ITPRID2: variants seen among roughly 807,000 people sequenced by gnomAD.
ITPRID2 encodes protein ITPRID2.
Under a neutral mutation model 124.3 loss-of-function variants are expected in ITPRID2, and 60 were observed. The ratio of observed to expected loss-of-function variants is 0.48; its 90% CI spans 0.39 to 0.60. The LOEUF is 0.60. Among genes scored for constraint, ITPRID2 ranks in the 20% least tolerant of loss-of-function variants. ITPRID2 has a pLI of 0.00. For synonymous variants in ITPRID2, 521 were observed against 542.9 expected, an observed-to-expected ratio of 0.96 and a Z score of 0.56; for missense variants, 1,553 against 1,512.2, an observed-to-expected ratio of 1.03 and a Z score of -0.45.
rs1486651038 is a variant in ITPRID2 at position 181,910,176 on chromosome 2, T to G, written c.1486+205T>G. ...TTAAAAATTAGTTTGCTAATTAGTT[T>G]GCTTATTCTGGAATGACCTCATTAC... On this transcript the variant is annotated intron_variant, in intron 9 of 17. Coordinates refer to ENST00000431877, the MANE Select transcript of ITPRID2 (RefSeq NM_001130445.3). The surrounding 1 kb of genome is among the most constrained non-coding windows in gnomAD (Gnocchi z 4.1). Among the ~76,000 whole-genome samples the G allele has an allele frequency of 2.0e-5, 3 of 152,214 alleles. No homozygotes were observed. The highest frequency in any genetic ancestry group is 4.4e-5 in the Non-Finnish European group (3 of 68,028).
Position 181,915,687 on chromosome 2 carries a change from G to C in ITPRID2, c.2047G>C (p.Gly683Arg). ...TGATATGAGCTCTGAAAATACAACT[G>C]GGCCTCCCTCTTCCATGGACAGAGT... The part of the protein sequence containing the change: ...CSDMSSENTT[G>R]PPSSMDRVNT... The change falls in exon 11 of 18, where the codon GGG becomes CGG. Residue 683 changes from glycine (G) to arginine (R), a missense_variant. Physicochemically the swap from Gly to Arg is moderately radical, Grantham distance 125. Coordinates refer to ENST00000431877, the MANE Select transcript of ITPRID2 (RefSeq NM_001130445.3). The C allele has an allele frequency of 4.3e-6, 7 of 1,614,148 alleles. No homozygotes were observed. The highest frequency in any genetic ancestry group is 5.9e-6 in the Non-Finnish European group (7 of 1,180,034).
Position 181,929,605 on chromosome 2 carries a change from G to T in ITPRID2, c.*58G>T. On this transcript the variant is annotated 3_prime_UTR_variant, in exon 18 of 18. Transcript: ENST00000431877. ...GCTGTGTAATACTGGAATTATCAATGATATGCACTGGTGGAGGTGTTATTT... is the reference window on the plus strand; with the variant it reads ...GCTGTGTAATACTGGAATTATCAATTATATGCACTGGTGGAGGTGTTATTT... 5 of 1,613,100 alleles carry T rather than the reference G, an allele frequency of 3.1e-6. No homozygotes were observed. The East Asian group carries it at 8.9e-5, about 29-fold the overall frequency.
In ITPRID2 at chr2:181,921,968, G is replaced by A. The variant is rs573237545; in HGVS notation, c.3231G>A (p.Glu1077=). The change falls in exon 16 of 18, where the codon GAG becomes GAA. Residue 1077 remains glutamate (E), a synonymous_variant. Transcript: ENST00000431877. ...VMEPVTELMQ[E]QSYLKSELGL... ...TCCAGGTCACTGAACTGATGCAGGA[G>A]CAGTCATACCTGAAGTCTGAATTGG... 1.8e-4 allele frequency: 290 copies of A among 1,614,106 alleles called. No individual in the cohort carries two copies. The highest frequency in any genetic ancestry group is 6.2e-4 in the Admixed American group (37 of 60,014).
chr2:181,925,573 C>T (rs767743510), intron 16 of ITPRID2, among the ~76,000 whole-genome samples: 7 of 152,124 alleles, frequency 4.6e-5, no homozygotes, highest in Admixed American at 6.5e-5. Flanking sequence ...CTGATATTGT[C>T]TCTCACCCTT....
In ITPRID2 at chr2:181,915,133, A is replaced by C. The variant is rs544190224; in HGVS notation, c.1576-83A>C. On this transcript the variant is annotated intron_variant, in intron 10 of 17. Coordinates refer to ENST00000431877, the MANE Select transcript of ITPRID2 (RefSeq NM_001130445.3). ...ACTGCAGTGGAGACAGTGAAATTAT[A>C]GAAGCACCATGTTGGTTTGGTATTT... is the stretch of plus-strand genomic sequence containing the variant. The C allele has an allele frequency of 4.1e-6, 6 of 1,475,722 alleles. No homozygotes were observed. In the Admixed American group the frequency reaches 1.3e-4, roughly 31 times the overall value. 91.4% of individuals were successfully genotyped at this position (1,475,722 alleles called of 1,614,324 possible). A position where few individuals can be genotyped will look rare whatever the true frequency, so the allele number is the denominator to read the frequency against.
Position 181,919,654 on chromosome 2 carries a change from T to TC in ITPRID2, c.3144+208_3144+209insC, listed in dbSNP as rs200897812. On this transcript the variant is annotated intron_variant, in intron 14 of 17. Coordinates refer to ENST00000431877, the MANE Select transcript of ITPRID2 (RefSeq NM_001130445.3). This position sits in a 1 kb window ranked among gnomAD's most constrained non-coding sequence, Gnocchi z 4.2. ...GTATATTTAGAAATATGTTGAAAAT[T>TC]TTTAATGATAAATTTTAATAACAGG... Among the ~76,000 whole-genome samples the TC allele has an allele frequency of 9.7e-3, 1,477 of 152,310 alleles. 24 individuals carry two copies. Among genetic ancestry groups the TC allele is most frequent in the African/African-American group, 0.034 (1,423 of 41,552 alleles).
intron 14 of ITPRID2, among the ~76,000 whole-genome samples, chr2:181,920,102 G>T (rs1694373986): frequency 6.6e-6 from 1 of 152,018 alleles, no homozygotes; most frequent in African/African-American, 2.4e-5. Flanking sequence ...AGAATATGTT[G>T]CTTTGAAATG....
At chr2:181,928,769 G>C (rs904402894) in intron 17 of ITPRID2, among the ~76,000 whole-genome samples, 29 of 152,200 alleles carry the variant, frequency 1.9e-4, no homozygotes, top group Admixed American at 1.7e-3. Flanking sequence ...GGGACTACAG[G>C]CGCCAGCCAC....
intron 16 of ITPRID2, among the ~76,000 whole-genome samples, chr2:181,924,988 A>T (rs535223707): frequency 3.1e-4 from 47 of 152,370 alleles, no homozygotes; most frequent in African/African-American, 1.1e-3. Context: ...ATACATGCCC[A>T]CAGAAGCCAA....
At chr2:181,912,990 ACAT>A (rs1192889261) in intron 9 of ITPRID2, among the ~76,000 whole-genome samples, 2 of 152,206 alleles carry the variant, frequency 1.3e-5, no homozygotes, top group Non-Finnish European at 2.9e-5. Flanking sequence ...ATCATTTAAA[ACAT>A]CATAAAACAC....
At chr2:181,897,966 C>T (rs534799842) in intron 4 of ITPRID2, among the ~76,000 whole-genome samples, 5 of 150,704 alleles carry the variant, frequency 3.3e-5, no homozygotes, top group South Asian at 2.1e-4. Context: ...GTTGTCAATC[C>T]GTTATTAAAA....
At chr2:181,912,478 T>A (rs1396765452) in intron 9 of ITPRID2, among the ~76,000 whole-genome samples, 1 of 152,224 alleles carries the variant, frequency 6.6e-6, no homozygotes, top group South Asian at 2.1e-4. Flanking sequence ...CAAAATGATA[T>A]TACAAAATTA....
In ITPRID2 at chr2:181,922,312, C is replaced by A. The variant is rs112942764; in HGVS notation, c.3575C>A (p.Ser1192Tyr). 2 of 1,614,180 alleles carry A rather than the reference C, an allele frequency of 1.2e-6. No individual in the cohort carries two copies. Among genetic ancestry groups the A allele is most frequent in the Non-Finnish European group, 1.7e-6 (2 of 1,180,040 alleles). ...EGAPEVVGPK[S>Y]EVEEGHGKLP... The stretch of plus-strand genomic sequence containing the variant: ...GCCCCAGAAGTTGTAGGACCTAAAT[C>A]TGAAGTGGAAGAAGGGCATGGAAAA... The change falls in exon 16 of 18, where the codon TCT (serine) becomes TAT (tyrosine). Residue 1192 changes from serine to tyrosine, a missense_variant. Transcript: ENST00000431877.
Position 181,915,832 on chromosome 2 carries a change from G to A in ITPRID2, c.2192G>A (p.Gly731Asp), listed in dbSNP as rs1290664573. The change falls in exon 11 of 18, where the codon GGC becomes GAC. Residue 731 changes from glycine to aspartate, a missense_variant. Physicochemically the swap from Gly to Asp is moderately conservative, Grantham distance 94. Transcript: ENST00000431877. ...CAAAGGTACTTATTTGCAAAAGCTG[G>A]CTATCCTCTAAGAAGGTCTCAGTCT... ...LKQRYLFAKA[G>D]YPLRRSQSLP... 1 of 1,614,128 alleles carries A rather than the reference G, an allele frequency of 6.2e-7. No individual in the cohort carries two copies.
Position 181,892,017 on chromosome 2 carries a change from C to T in ITPRID2, c.-50C>T. On this transcript the variant is annotated 5_prime_UTR_variant, in exon 1 of 18. Transcript: ENST00000431877. The surrounding 1 kb of genome is among the most constrained non-coding windows in gnomAD (Gnocchi z 5.2). Reference sequence around the variant, plus strand: ...GCAAGGGCGGGGGTCCCTGCCGCCGCCTTGTCTCGCGCAGGGTCCGGCTGG... The same window carrying T: ...GCAAGGGCGGGGGTCCCTGCCGCCGTCTTGTCTCGCGCAGGGTCCGGCTGG... 6.5e-7 allele frequency: 1 copy of T among 1,533,188 alleles called. No homozygotes were observed. Among genetic ancestry groups the T allele is most frequent in the Non-Finnish European group, 8.8e-7 (1 of 1,137,186 alleles). 95.0% of individuals were successfully genotyped at this position (1,533,188 alleles called of 1,614,324 possible).
intron 6 of ITPRID2, 22 bp downstream of exon 6, chr2:181,899,134 T>G (rs1692456407): frequency 6.5e-7 from 1 of 1,532,708 alleles, no homozygotes; most frequent in Admixed American, 1.9e-5. Context: ...TGAAATTGTG[T>G]TGGAATTACA....
At chr2:181,900,366 C>G (rs1017847324) in intron 6 of ITPRID2, among the ~76,000 whole-genome samples, 4 of 152,152 alleles carry the variant, frequency 2.6e-5, no homozygotes, top group Non-Finnish European at 5.9e-5. Context: ...CATCTGTCTT[C>G]TACTTGTTTT....
intron 11 of ITPRID2, chr2:181,916,864 C>T (rs1694100401): frequency 1.0e-6 from 1 of 1,001,440 alleles, no homozygotes; most frequent in Non-Finnish European, 1.2e-6. Context: ...TTCTGTGGCA[C>T]CACGTTCTCC....
At chr2:181,904,961 A>G (rs1450745390) in intron 8 of ITPRID2, among the ~76,000 whole-genome samples, 4 of 152,322 alleles carry the variant, frequency 2.6e-5, no homozygotes. Flanking sequence ...AGAAAAGGAA[A>G]AGGCCAGAGA....
Sources: gnomAD v4.1 joint callset for allele counts (sites outside exome capture counted in the v4.1 genomes callset) on GRCh38, gnomAD v4.1.1 for gene constraint, Gnocchi (gnomAD v3.1) non-coding constraint, MANE v1.5 for transcripts, NCBI Gene and HGNC (gene_info 2026-07-23, HGNC 2026-07-21) for gene names.